NECAP1: variants seen among roughly 807,000 people sequenced by gnomAD.
NECAP1 encodes the protein NECAP endocytosis associated 1.
A neutral mutation model predicts 33.4 loss-of-function variants in NECAP1; 13 were observed. The observed-to-expected ratio is 0.39, with a 90% CI of 0.25 to 0.62. The LOEUF is 0.62. Among genes scored for constraint, NECAP1 ranks in the 20% least tolerant of loss-of-function variants. The probability of loss-of-function intolerance (pLI) is 0.52; values close to 1 mark genes in which losing one functional copy is unlikely to be tolerated. For synonymous variants in NECAP1, 109 were observed against 125.2 expected, an observed-to-expected ratio of 0.87 and a Z score of 0.86; for missense variants, 272 against 347.4, an observed-to-expected ratio of 0.78 and a Z score of 1.73.
chr12:8,090,030 G>A lies in NECAP1; in HGVS notation c.190G>A (p.Val64Ile). ...KTAYIKLEDKVSGELFAQAPV... is the reference protein window; with the variant it reads ...KTAYIKLEDKISGELFAQAPV... ...TGCCTATATCAAACTCGAGGATAAA[G>A]TTTCAGGTAATCTTTGCGGGTGACC... is the stretch of plus-strand genomic sequence containing the variant. Residue 64 changes from valine to isoleucine, a missense_variant, in exon 2 of 8, where the codon GTT becomes ATT. Physicochemically the swap from Val to Ile is conservative, Grantham distance 29 (BLOSUM62 3). Coordinates refer to ENST00000339754, the MANE Select transcript of NECAP1 (RefSeq NM_015509.4). The A allele has an allele frequency of 1.2e-6, 2 of 1,613,556 alleles. No individual in the cohort carries two copies. Among genetic ancestry groups the A allele is most frequent in the South Asian group, 1.1e-5 (1 of 91,064 alleles).
chr12:8,087,614 C>T (rs1947504017), intron 1 of NECAP1, among the ~76,000 whole-genome samples: 1 of 150,064 alleles, frequency 6.7e-6, no homozygotes, highest in Non-Finnish European at 1.5e-5. Flanking sequence ...ACCTCAAATT[C>T]TTAGGCTCAG....
Position 8,092,794 on chromosome 12 carries a change from G to A in NECAP1, c.492+10G>A. ...CAAGTTGTGTATCGGGGTGAGTATG[G>A]TTTTTAAAAATTTTGTTTTCCTGTG... On this transcript the variant is annotated intron_variant, in intron 5 of 7. Transcript: ENST00000339754. 1 of 1,603,676 alleles carries A rather than the reference G, an allele frequency of 6.2e-7. No homozygotes were observed. Among genetic ancestry groups the A allele is most frequent in the South Asian group, 1.1e-5 (1 of 89,634 alleles).
chr12:8,085,686 CTTTTTTTTTTTTT>C (rs554942626), intron 1 of NECAP1, among the ~76,000 whole-genome samples: 39 of 104,834 alleles, frequency 3.7e-4, no homozygotes, highest in African/African-American at 1.5e-3. Flanking sequence ...ACTTAATCTT[CTTTTTTTTTTTTT>C]TTTTTTTTTT....
At chr12:8,090,423 A>G (rs1947532820) in intron 3 of NECAP1, 124 bp downstream of exon 3, 34 of 850,572 alleles carry the variant, frequency 4.0e-5, no homozygotes, top group Non-Finnish European at 5.9e-5. Flanking sequence ...CCCTTTCTCT[A>G]AAGTTGCTCT....
At chr12:8,085,963 C>T (rs1947486966) in intron 1 of NECAP1, among the ~76,000 whole-genome samples, 2 of 152,124 alleles carry the variant, frequency 1.3e-5, no homozygotes, top group South Asian at 2.1e-4. Flanking sequence ...CCTCAACCTC[C>T]CAAAGTGCTG....
Position 8,095,601 on chromosome 12 carries a change from A to G in NECAP1, c.677A>G (p.Asp226Gly). The G allele has an allele frequency of 1.2e-6, 2 of 1,606,592 alleles. No homozygotes were observed. The highest frequency in any genetic ancestry group is 1.7e-6 in the Non-Finnish European group (2 of 1,173,622). The change falls in exon 7 of 8, where the codon GAT (aspartate) becomes GGT (glycine). Residue 226 changes from aspartate (D) to glycine (G), a missense_variant and splice_region_variant. Physicochemically the swap from Asp to Gly is moderately conservative, Grantham distance 94. Transcript: ENST00000339754. The part of the protein sequence containing the change: ...PKSNHGGSDA[D>G]ILLDLDSPAP... Reference sequence around the variant, plus strand: ...TTTTCTTTTCTTACCTTGTGTTTAGATATCCTTTTAGATTTGGATTCTCCT... The same window carrying G: ...TTTTCTTTTCTTACCTTGTGTTTAGGTATCCTTTTAGATTTGGATTCTCCT...
intron 4 of NECAP1, chr12:8,092,409 G>A (rs1947557859): frequency 5.2e-6 from 2 of 381,896 alleles, no homozygotes; most frequent in South Asian, 3.7e-5. Context: ...CCTCAACTGT[G>A]GGGAATGGGA....
At position 8,084,377 on chromosome 12, in the gene NECAP1, T is replaced by G. The variant is rs60526334; in HGVS notation, c.95+1994T>G. Among the ~76,000 whole-genome samples, 615 of 152,314 alleles carry G rather than the reference T, an allele frequency of 4.0e-3. 7 individuals are homozygous for G. Among genetic ancestry groups the G allele is most frequent in the African/African-American group, 0.014 (593 of 41,582 alleles). ...AAACATCACCTTCTTTGGGAGGCCC[T>G]ATGTGACCCTTCCATTCTGGTTTAG... On this transcript the variant is annotated intron_variant, in intron 1 of 7. Transcript: ENST00000339754.
chr12:8,090,262 T>C lies in NECAP1; in HGVS notation c.264T>C (p.Ser88=). The C allele has an allele frequency of 6.2e-7, 1 of 1,614,230 alleles. No individual in the cohort carries two copies. Among genetic ancestry groups the C allele is most frequent in the Non-Finnish European group, 8.5e-7 (1 of 1,180,038 alleles). Residue 88 remains serine, a synonymous_variant, in exon 3 of 8, where the codon TCT becomes TCC. Coordinates refer to ENST00000339754, the MANE Select transcript of NECAP1 (RefSeq NM_015509.4). ...TTGCTGTGGAGACGGTGACAGATTC[T>C]AGCCGCTACTTTGTAATCCGGATCC... The part of the protein sequence containing the change: ...PGIAVETVTD[S]SRYFVIRIQD...
Position 8,090,312 on chromosome 12 carries a change from G to A in NECAP1, c.301+13G>A, listed in dbSNP as rs778598553. ...CAGGATGGTACTGGTAAGAGAACTG[G>A]GATTTTGAGTGGAACGAAGTTAGGA... On this transcript the variant is annotated intron_variant, in intron 3 of 7. Transcript: ENST00000339754. 1.9e-6 allele frequency: 3 copies of A among 1,611,122 alleles called. No homozygotes were observed. The Admixed American group carries it at 5.0e-5, about 27-fold the overall frequency.
Position 8,090,045 on chromosome 12 carries a change from T to G in NECAP1, c.196+9T>G. 3 of 1,608,336 alleles carry G rather than the reference T, an allele frequency of 1.9e-6. No individual in the cohort carries two copies. Among genetic ancestry groups the G allele is most frequent in the Non-Finnish European group, 2.6e-6 (3 of 1,174,752 alleles). On this transcript the variant is annotated intron_variant, in intron 2 of 7. Transcript: ENST00000339754. ...CGAGGATAAAGTTTCAGGTAATCTTTGCGGGTGACCCTCTAACATTAAGAA... is the reference window on the plus strand; with the variant it reads ...CGAGGATAAAGTTTCAGGTAATCTTGGCGGGTGACCCTCTAACATTAAGAA...
chr12:8,084,587 C>T (rs1216804527), intron 1 of NECAP1, among the ~76,000 whole-genome samples: 1 of 152,012 alleles, frequency 6.6e-6, no homozygotes, highest in South Asian at 2.1e-4. Context: ...TTGTTCCCCT[C>T]CCTGTGCCCA....
At chr12:8,090,475 T>A in intron 3 of NECAP1, 176 bp downstream of exon 3, 1 of 587,410 alleles carries the variant, frequency 1.7e-6, no homozygotes, top group Non-Finnish European at 3.0e-6. Flanking sequence ...TTGTAATAGA[T>A]AAGCACGAGT....
chr12:8,091,855 G>A lies in NECAP1; in HGVS notation c.383+5G>A, dbSNP rs755715089. 3.7e-6 allele frequency: 6 copies of A among 1,611,382 alleles called. No individual in the cohort carries two copies. Among genetic ancestry groups the A allele is most frequent in the Non-Finnish European group, 5.1e-6 (6 of 1,178,428 alleles). On this transcript the variant is annotated splice_donor_5th_base_variant and intron_variant, in intron 4 of 7. Coordinates refer to ENST00000339754, the MANE Select transcript of NECAP1 (RefSeq NM_015509.4). The stretch of plus-strand genomic sequence containing the variant: ...CTCCTTGCAGGATCACTTCAAGTGA[G>A]TGAAGCTTGTCCTTAGTTACGAGGC...
At chr12:8,089,861 A>T (rs997360162) in intron 1 of NECAP1, 75 bp from the exon 2 acceptor site, 6 of 1,072,760 alleles carry the variant, frequency 5.6e-6, no homozygotes, top group Non-Finnish European at 7.2e-6. Flanking sequence ...GGAAATAGAA[A>T]TACAGTCAAA....
intron 1 of NECAP1, among the ~76,000 whole-genome samples, chr12:8,085,076 C>G (rs991470872): frequency 4.0e-5 from 6 of 151,760 alleles, no homozygotes; most frequent in Admixed American, 3.9e-4. Flanking sequence ...CTGGAGTGCG[C>G]TGGCGCAATC....
intron 4 of NECAP1, chr12:8,092,443 C>T (rs2120484663): frequency 2.2e-6 from 1 of 446,320 alleles, no homozygotes; most frequent in Non-Finnish European, 4.0e-6. Flanking sequence ...TACCATCCTT[C>T]TGGAAGGGGC....
At chr12:8,092,647 A>T (rs367799450) in intron 4 of NECAP1, 29 bp from the exon 5 acceptor site, 13 of 1,552,200 alleles carry the variant, frequency 8.4e-6, no homozygotes, top group Non-Finnish European at 1.1e-5. Flanking sequence ...GGAAATCTCA[A>T]ACTAAGATAA....
At chr12:8,087,837 CAA>C (rs1947505960) in intron 1 of NECAP1, among the ~76,000 whole-genome samples, 1 of 152,064 alleles carries the variant, frequency 6.6e-6, no homozygotes, top group South Asian at 2.1e-4. Context: ...GGCAGGGAAT[CAA>C]GAGGGAAGAG....
Sources: gnomAD v4.1 joint callset for allele counts (sites outside exome capture counted in the v4.1 genomes callset) on GRCh38, gnomAD v4.1.1 for gene constraint, MANE v1.5 for transcripts, NCBI Gene and HGNC (gene_info 2026-07-23, HGNC 2026-07-21) for gene names.